Variants in EPHB2 observed in about 807,000 individuals in gnomAD.
EPHB2 encodes the protein ephrin type-B receptor 2.
In EPHB2, 18 loss-of-function variants were observed where a neutral mutation model predicts 96.4. The ratio of observed to expected loss-of-function variants is 0.19; its 90% CI spans 0.13 to 0.28. The LOEUF is 0.28. Among genes scored for constraint, EPHB2 ranks in the 10% least tolerant of loss-of-function variants. EPHB2 has a pLI of 1.00. For missense variants in EPHB2, 989 were observed against 1,355.4 expected, an observed-to-expected ratio of 0.73 and a Z score of 4.25; for synonymous variants, 506 against 534.1, an observed-to-expected ratio of 0.95 and a Z score of 0.72.
intron 3 of EPHB2, among the ~76,000 whole-genome samples, chr1:22,856,757 A>G (rs1645705779): frequency 6.6e-6 from 1 of 152,274 alleles, no homozygotes; most frequent in South Asian, 2.1e-4. Flanking sequence ...AATAAGTGAA[A>G]GAATCCATGT....
At chr1:22,804,177 C>T (rs1423075234) in intron 3 of EPHB2, among the ~76,000 whole-genome samples, 1 of 152,156 alleles carries the variant, frequency 6.6e-6, no homozygotes, top group Non-Finnish European at 1.5e-5. Flanking sequence ...CCCACCATCC[C>T]AGGCTGCCGC....
intron 1 of EPHB2, among the ~76,000 whole-genome samples, chr1:22,751,121 C>T (rs1644055648): frequency 6.6e-6 from 1 of 152,212 alleles, no homozygotes; most frequent in Non-Finnish European, 1.5e-5. Flanking sequence ...AACAGTAGTT[C>T]AAGGGCTACT....
intron 1 of EPHB2, among the ~76,000 whole-genome samples, chr1:22,772,307 A>T (rs186368180): frequency 6.6e-6 from 1 of 152,262 alleles, no homozygotes; most frequent in East Asian, 1.9e-4. Context: ...CTGGCGTCAC[A>T]GGGACTCCTC....
chr1:22,884,573 T>C (rs1639161582), intron 6 of EPHB2, among the ~76,000 whole-genome samples: 1 of 135,296 alleles, frequency 7.4e-6, no homozygotes, highest in African/African-American at 2.9e-5. Flanking sequence ...TGAGCCAAGA[T>C]CGCACCACTG....
intron 6 of EPHB2, among the ~76,000 whole-genome samples, chr1:22,891,792 T>G (rs79369580): frequency 0.045 from 5,267 of 117,548 alleles, 287 homozygotes; most frequent in African/African-American, 0.13. Context: ...TTCTTTTTTT[T>G]TTGTTGTTGT....
In EPHB2 at chr1:22,864,930, A is replaced by T. The variant is rs781369771; in HGVS notation, c.1021A>T (p.Met341Leu). ...TTCCAGTGTCAATGAGACCTCCCTCATGCTGGAGTGGACCCCTCCCCGCGA... is the reference window on the plus strand; with the variant it reads ...TTCCAGTGTCAATGAGACCTCCCTCTTGCTGGAGTGGACCCCTCCCCGCGA... The part of the protein sequence containing the change: ...VISSVNETSL[M>L]LEWTPPRDSG... The change falls in exon 5 of 16, where the codon ATG becomes TTG. Residue 341 changes from methionine to leucine, a missense_variant. Met to Leu is a conservative substitution (Grantham distance 15). Transcript: ENST00000374630. 6.2e-7 allele frequency: 1 copy of T among 1,603,864 alleles called. No individual in the cohort carries two copies. The highest frequency in any genetic ancestry group is 1.1e-5 in the South Asian group (1 of 89,370).
At position 22,846,252 on chromosome 1, in the gene EPHB2, G is replaced by T. The variant is rs12746324; in HGVS notation, c.812-16785G>T. Among the ~76,000 whole-genome samples, 78,844 of 151,674 alleles carry T rather than the reference G, an allele frequency of 0.52. 20,545 individuals carry two copies. The highest frequency in any genetic ancestry group is 0.59 in the Middle Eastern group (173 of 292). ...GGCCAACATGGTGAAACGCCATCTCGACTAAAAATATAAAATAGTCGGGCA... is the reference window on the plus strand; with the variant it reads ...GGCCAACATGGTGAAACGCCATCTCTACTAAAAATATAAAATAGTCGGGCA... On this transcript the variant is annotated intron_variant, in intron 3 of 15. Coordinates refer to ENST00000374630, the MANE Select transcript of EPHB2 (RefSeq NM_017449.5). The surrounding 1 kb of genome is among the most constrained non-coding windows in gnomAD (Gnocchi z 4.3).
intron 3 of EPHB2, among the ~76,000 whole-genome samples, chr1:22,802,228 G>A (rs1011356893): frequency 6.6e-6 from 1 of 152,106 alleles, no homozygotes; most frequent in Non-Finnish European, 1.5e-5. Context: ...GCCCAGTTGG[G>A]TTATTTGGTT....
intron 5 of EPHB2, among the ~76,000 whole-genome samples, chr1:22,872,722 C>A (rs1638713518): frequency 6.6e-6 from 1 of 152,240 alleles, no homozygotes; most frequent in Admixed American, 6.5e-5. Context: ...AGACTTTCAA[C>A]TCTCCAAAGC....
At position 22,906,956 on chromosome 1, in the gene EPHB2, G is replaced by A. The variant is rs150002185; in HGVS notation, c.2135G>A (p.Arg712Gln). The stretch of plus-strand genomic sequence containing the variant: ...AATGGCTCCCTGGACTCCTTTCTCC[G>A]GGTAGGGGAAGCCAAGAGGGCCAGG... Reference protein sequence around the residue: ...MENGSLDSFLRQNDGQFTVIQ... With the variant: ...MENGSLDSFLQQNDGQFTVIQ... Residue 712 changes from arginine to glutamine, a missense_variant and splice_region_variant, in exon 11 of 16, where the codon CGG becomes CAG. Transcript: ENST00000374630. This position sits in a 1 kb window ranked among gnomAD's most constrained non-coding sequence, Gnocchi z 4.8. 3.2e-5 allele frequency: 52 copies of A among 1,605,788 alleles called. No homozygotes were observed. The highest frequency in any genetic ancestry group is 6.7e-5 in the East Asian group (3 of 44,684).
chr1:22,723,535 C>T (rs992853126), intron 1 of EPHB2, among the ~76,000 whole-genome samples: 1 of 152,270 alleles, frequency 6.6e-6, no homozygotes, highest in Non-Finnish European at 1.5e-5. Flanking sequence ...GCTCAGGACT[C>T]CCTCTGACCA....
At chr1:22,745,708 T>C (rs1643964389) in intron 1 of EPHB2, among the ~76,000 whole-genome samples, 1 of 151,950 alleles carries the variant, frequency 6.6e-6, no homozygotes, top group Admixed American at 6.6e-5. Context: ...CTGAGATAAT[T>C]ATAATCCATG....
chr1:22,902,660 C>G (rs1319656269), intron 9 of EPHB2, among the ~76,000 whole-genome samples: 1 of 152,212 alleles, frequency 6.6e-6, no homozygotes, highest in African/African-American at 2.4e-5. Flanking sequence ...TGGGATTCAG[C>G]ATGAACAAGA....
At chr1:22,876,179 C>A (rs1638830345) in intron 5 of EPHB2, among the ~76,000 whole-genome samples, 1 of 152,116 alleles carries the variant, frequency 6.6e-6, no homozygotes, top group Non-Finnish European at 1.5e-5. Flanking sequence ...CTCCAGCTGT[C>A]CTGTGCCCAG....
chr1:22,861,919 G>A lies in EPHB2; in HGVS notation c.812-1118G>A, dbSNP rs559559328. The stretch of plus-strand genomic sequence containing the variant: ...ATGTACTCCCGGTGAGGGCCTGGGG[G>A]CCTGTGGATGGTTTAGCTGCATTTC... On this transcript the variant is annotated intron_variant, in intron 3 of 15. Transcript: ENST00000374630. 3.7e-4 allele frequency among the ~76,000 whole-genome samples: 57 copies of A among 152,354 alleles called. 1 individual carries two copies. In the South Asian group the frequency reaches 0.011, roughly 30 times the overall value.
In EPHB2 at chr1:22,881,084, G is replaced by A. The variant is rs546491323; in HGVS notation, c.1304-1275G>A. ...AGCCCAGGAGTTCGAGACCAACCTG[G>A]GCAACATGGCGAAACCCCGCCTCTA... On this transcript the variant is annotated intron_variant, in intron 5 of 15. Coordinates refer to ENST00000374630, the MANE Select transcript of EPHB2 (RefSeq NM_017449.5). 3.3e-5 allele frequency among the ~76,000 whole-genome samples: 5 copies of A among 152,074 alleles called. No homozygotes were observed. In the South Asian group the frequency reaches 1.0e-3, roughly 32 times the overall value.
At chr1:22,795,762 G>C (rs1644758113) in intron 3 of EPHB2, among the ~76,000 whole-genome samples, 1 of 152,166 alleles carries the variant, frequency 6.6e-6, no homozygotes, top group Admixed American at 6.5e-5. Context: ...TACTTTGTCA[G>C]GCAGAAGCCG....
chr1:22,855,153 A>G (rs1645680105), intron 3 of EPHB2, among the ~76,000 whole-genome samples: 1 of 152,196 alleles, frequency 6.6e-6, no homozygotes. Flanking sequence ...GTGTGTATCA[A>G]TCCGTTCAAA....
intron 1 of EPHB2, among the ~76,000 whole-genome samples, chr1:22,742,315 G>C (rs1643914126): frequency 6.6e-6 from 1 of 152,108 alleles, no homozygotes; most frequent in Admixed American, 6.6e-5. Flanking sequence ...ATTCAGGGTG[G>C]GCTGGGAACA....
Sources: gnomAD v4.1 joint callset for allele counts (sites outside exome capture counted in the v4.1 genomes callset) on GRCh38, gnomAD v4.1.1 for gene constraint, Gnocchi (gnomAD v3.1) non-coding constraint, MANE v1.5 for transcripts, NCBI Gene and HGNC (gene_info 2026-07-23, HGNC 2026-07-21) for gene names.